The following NAV3 variants were observed in gnomAD, a reference collection of about 807,000 sequenced individuals.
NAV3 encodes the protein pore membrane and/or filament interacting like protein 1.
Under a neutral mutation model 244.7 loss-of-function variants are expected in NAV3, and 87 were observed. The observed-to-expected ratio is 0.36, with a 90% CI of 0.30 to 0.42. NAV3 has a LOEUF of 0.42. Ranked by LOEUF, NAV3 falls within the 20% of genes least tolerant of loss-of-function variation. NAV3 has a pLI of 1.00. For missense variants in NAV3, 2,663 were observed against 2,893.3 expected, an observed-to-expected ratio of 0.92 and a Z score of 1.83; for synonymous variants, 1,126 against 1,042.2, an observed-to-expected ratio of 1.08 and a Z score of -1.55.
chr12:77,866,234 G>A (rs975550059), intron 1 of NAV3, among the ~76,000 whole-genome samples: 1 of 152,134 alleles, frequency 6.6e-6, no homozygotes. Context: ...TTGAGTGGGT[G>A]TTCGAATATT....
intron 7 of NAV3, among the ~76,000 whole-genome samples, chr12:78,001,954 T>C (rs1873382205): frequency 6.6e-6 from 1 of 152,192 alleles, no homozygotes; most frequent in Non-Finnish European, 1.5e-5. Context: ...CATTTGTCAA[T>C]TTGCCCAGAA....
chr12:78,136,879 G>A (rs1956395325), intron 18 of NAV3, among the ~76,000 whole-genome samples: 1 of 152,086 alleles, frequency 6.6e-6, no homozygotes, highest in Admixed American at 6.5e-5. Flanking sequence ...TTCATAACAG[G>A]TAGCAGAAAA....
intron 2 of NAV3, among the ~76,000 whole-genome samples, chr12:77,755,935 T>C (rs1869152779): frequency 6.6e-6 from 1 of 152,026 alleles, no homozygotes; most frequent in Admixed American, 6.6e-5. Flanking sequence ...AGATGTCACT[T>C]TAAATATCTT....
At chr12:77,615,251 A>G (rs1871101218) in intron 2 of NAV3, among the ~76,000 whole-genome samples, 2 of 152,066 alleles carry the variant, frequency 1.3e-5, no homozygotes, top group South Asian at 4.1e-4. Context: ...TATTTATTTT[A>G]TTTATTTATT....
At chr12:78,056,725 T>C (rs963748572) in intron 11 of NAV3, among the ~76,000 whole-genome samples, 3 of 151,906 alleles carry the variant, frequency 2.0e-5, no homozygotes, top group Non-Finnish European at 4.4e-5. Flanking sequence ...TGAGACTCTA[T>C]CTCAAAAAAA....
chr12:77,931,425 T>C (rs575905666), intron 1 of NAV3, among the ~76,000 whole-genome samples: 122 of 152,310 alleles, frequency 8.0e-4, no homozygotes, highest in Middle Eastern at 6.8e-3. Context: ...TTAATTTCCC[T>C]GAAGTTCTCT....
At chr12:77,805,550 G>A (rs775374053) in intron 2 of NAV3, among the ~76,000 whole-genome samples, 1 of 152,196 alleles carries the variant, frequency 6.6e-6, no homozygotes, top group Non-Finnish European at 1.5e-5. Context: ...TTTTTGATGT[G>A]CTGCTGGATT....
At chr12:78,145,076 T>A in intron 20 of NAV3, 1 of 309,166 alleles carries the variant, frequency 3.2e-6, no homozygotes, top group South Asian at 2.7e-5. Context: ...TATTCCTTGC[T>A]TACTTTTTAT....
At chr12:78,043,641 G>T (rs1254798210) in intron 9 of NAV3, among the ~76,000 whole-genome samples, 1 of 152,160 alleles carries the variant, frequency 6.6e-6, no homozygotes, top group Non-Finnish European at 1.5e-5. Flanking sequence ...GCGTGAGATG[G>T]TATCTCATTG....
At chr12:77,810,885 TTTAAA>T (rs1872255229) in intron 2 of NAV3, among the ~76,000 whole-genome samples, 1 of 152,214 alleles carries the variant, frequency 6.6e-6, no homozygotes, top group Admixed American at 6.5e-5. Flanking sequence ...TGTTTTCTTA[TTTAAA>T]TGCAAAAATA....
chr12:77,903,942 G>T (rs1378994110), intron 1 of NAV3, among the ~76,000 whole-genome samples: 1 of 152,258 alleles, frequency 6.6e-6, no homozygotes, highest in East Asian at 1.9e-4. Flanking sequence ...AAACCACAAT[G>T]AGATACCATC....
chr12:77,938,961 T>TGTTC (rs1447474540), intron 1 of NAV3, among the ~76,000 whole-genome samples: 1 of 151,576 alleles, frequency 6.6e-6, no homozygotes, highest in African/African-American at 2.4e-5. Flanking sequence ...TGTGTGTGTG[T>TGTTC]GTTCTGTGGC....
At chr12:77,997,764 T>C (rs540571678) in intron 6 of NAV3, among the ~76,000 whole-genome samples, 1 of 152,336 alleles carries the variant, frequency 6.6e-6, no homozygotes, top group African/African-American at 2.4e-5. Context: ...CAGTGAAATA[T>C]AATTTAACTC....
chr12:77,774,593 ATT>A (rs1041420166), intron 2 of NAV3, among the ~76,000 whole-genome samples: 9 of 152,142 alleles, frequency 5.9e-5, no homozygotes, highest in Admixed American at 5.2e-4. Context: ...AAATAATAAA[ATT>A]GAATTAAGGC....
At chr12:78,173,720 TAA>T (rs1236844216) in intron 24 of NAV3, among the ~76,000 whole-genome samples, 9 of 150,458 alleles carry the variant, frequency 6.0e-5, no homozygotes, top group Non-Finnish European at 1.5e-5. Context: ...AAAACAATGT[TAA>T]GAGATGAATT....
chr12:77,784,114 A>G (rs934407530), intron 2 of NAV3, among the ~76,000 whole-genome samples: 1 of 152,174 alleles, frequency 6.6e-6, no homozygotes, highest in Non-Finnish European at 1.5e-5. Flanking sequence ...GGAACAAATA[A>G]GACTATGTAC....
At chr12:77,880,363 A>C (rs148936703) in intron 1 of NAV3, among the ~76,000 whole-genome samples, 9 of 152,176 alleles carry the variant, frequency 5.9e-5, no homozygotes, top group African/African-American at 2.2e-4. Context: ...TTTTGTTAGC[A>C]TACAGTAACT....
chr12:77,935,395 T>C (rs1473748586), intron 1 of NAV3, among the ~76,000 whole-genome samples: 6 of 152,170 alleles, frequency 3.9e-5, no homozygotes, highest in African/African-American at 1.4e-4. Context: ...AGAAATATCA[T>C]AGAGGCAAAT....
intron 2 of NAV3, among the ~76,000 whole-genome samples, chr12:77,604,745 C>T (rs1374248534): frequency 6.6e-6 from 1 of 151,888 alleles, no homozygotes; most frequent in Non-Finnish European, 1.5e-5. Context: ...GTTTCTTGTG[C>T]CCTTATTTAG....
Sources: gnomAD v4.1 joint callset for allele counts (sites outside exome capture counted in the v4.1 genomes callset) on GRCh38, gnomAD v4.1.1 for gene constraint, MANE v1.5 for transcripts, NCBI Gene and HGNC (gene_info 2026-07-23, HGNC 2026-07-21) for gene names.